Variants in PCDH15 observed in about 807,000 individuals in gnomAD.
PCDH15 encodes the protein protocadherin-15.
In PCDH15, 129 loss-of-function variants were observed where a neutral mutation model predicts 178.5. The observed-to-expected ratio is 0.72, with a 90% CI of 0.63 to 0.84. PCDH15 has a LOEUF of 0.84. Ranked by LOEUF, PCDH15 falls within the 40% of genes least tolerant of loss-of-function variation. The pLI, the probability that PCDH15 is intolerant of heterozygous loss-of-function variation, is 0.00. For synonymous variants in PCDH15, 800 were observed against 732.0 expected (o/e 1.09, Z -1.50); for missense variants, 2,230 against 2,099.9 (o/e 1.06, Z -1.21).
chr10:55,572,720 A>T (rs1842429247), intron 2 of PCDH15, among the ~76,000 whole-genome samples: 1 of 152,020 alleles, frequency 6.6e-6, no homozygotes. Context: ...GCTATGAGAA[A>T]ACAGGTCTCT....
intron 3 of PCDH15, among the ~76,000 whole-genome samples, chr10:54,819,274 A>G (rs555420921): frequency 6.6e-6 from 1 of 152,190 alleles, no homozygotes; most frequent in Non-Finnish European, 1.5e-5. Flanking sequence ...TATTATATGC[A>G]AATAATATTT....
At chr10:54,644,464 C>A (rs183620385) in intron 2 of PCDH15, among the ~76,000 whole-genome samples, 39 of 151,946 alleles carry the variant, frequency 2.6e-4, no homozygotes, top group Admixed American at 3.9e-4. Flanking sequence ...TGTCATATTA[C>A]AATATATTCA....
intron 1 of PCDH15, among the ~76,000 whole-genome samples, chr10:55,196,926 A>C (rs1840109238): frequency 6.6e-6 from 1 of 152,018 alleles, no homozygotes; most frequent in Non-Finnish European, 1.5e-5. Flanking sequence ...TATATTGGAG[A>C]AAGAATTTTT....
intron 2 of PCDH15, among the ~76,000 whole-genome samples, chr10:55,492,288 C>T (rs1840436023): frequency 6.6e-6 from 1 of 151,666 alleles, no homozygotes; most frequent in African/African-American, 2.4e-5. Flanking sequence ...CCTCAAATCA[C>T]TCTCACATTC....
chr10:55,531,202 T>G (rs1841447102), intron 2 of PCDH15, among the ~76,000 whole-genome samples: 1 of 151,984 alleles, frequency 6.6e-6, no homozygotes. Context: ...AAGTTCACTT[T>G]CAATAGGTTA....
intron 12 of PCDH15, among the ~76,000 whole-genome samples, chr10:54,184,804 A>G (rs1280317511): frequency 6.6e-6 from 1 of 152,146 alleles, no homozygotes; most frequent in Non-Finnish European, 1.5e-5. Context: ...TGCAAGAACA[A>G]CAACAAAAAA....
At chr10:54,781,499 T>C (rs1195154658) in intron 1 of PCDH15, among the ~76,000 whole-genome samples, 1 of 152,112 alleles carries the variant, frequency 6.6e-6, no homozygotes, top group East Asian at 1.9e-4. Flanking sequence ...TCATACACAG[T>C]TTATCTTCTC....
intron 2 of PCDH15, among the ~76,000 whole-genome samples, chr10:55,622,739 T>C (rs1486792348): frequency 2.0e-5 from 3 of 152,182 alleles, no homozygotes; most frequent in Non-Finnish European, 4.4e-5. Flanking sequence ...AAACTTTTAG[T>C]TGGCATAGCA....
At chr10:54,334,814 ATT>A (rs1384141538) in intron 6 of PCDH15, among the ~76,000 whole-genome samples, 1 of 151,682 alleles carries the variant, frequency 6.6e-6, no homozygotes, top group Non-Finnish European at 1.5e-5. Flanking sequence ...GATAATTACG[ATT>A]TTCTCTTTAT....
chr10:55,123,141 C>T (rs1050752138), intron 2 of PCDH15, among the ~76,000 whole-genome samples: 7 of 151,648 alleles, frequency 4.6e-5, no homozygotes, highest in African/African-American at 2.4e-5. Context: ...AAATATGAAA[C>T]CATCCTACAT....
intron 14 of PCDH15, among the ~76,000 whole-genome samples, chr10:54,134,517 G>T (rs1488245826): frequency 6.6e-6 from 1 of 151,854 alleles, no homozygotes; most frequent in Non-Finnish European, 1.5e-5. Flanking sequence ...ACTTTGGGAG[G>T]CCGAGGCAGG....
intron 3 of PCDH15, among the ~76,000 whole-genome samples, chr10:54,418,712 AAATAAT>A (rs1172779508): frequency 6.6e-6 from 1 of 151,946 alleles, no homozygotes; most frequent in Non-Finnish European, 1.5e-5. Context: ...ACTATTATTA[AAATAAT>A]AATAATTTGG....
chr10:54,227,067 G>T (rs2053538210), intron 9 of PCDH15, among the ~76,000 whole-genome samples: 1 of 152,080 alleles, frequency 6.6e-6, no homozygotes, highest in Non-Finnish European at 1.5e-5. Flanking sequence ...GTAAGCTGTT[G>T]GTGGATCTAC....
intron 2 of PCDH15, among the ~76,000 whole-genome samples, chr10:55,454,323 G>T (rs973502968): frequency 6.6e-6 from 1 of 151,874 alleles, no homozygotes; most frequent in Non-Finnish European, 1.5e-5. Flanking sequence ...TGCTGGATCA[G>T]CCCTTAAATA....
intron 2 of PCDH15, among the ~76,000 whole-genome samples, chr10:55,532,311 C>G (rs1405875909): frequency 1.3e-5 from 2 of 151,946 alleles, no homozygotes; most frequent in African/African-American, 4.8e-5. Flanking sequence ...AAACCTTTTT[C>G]CTCTAAACAT....
At position 53,860,687 on chromosome 10, in the gene PCDH15, C is replaced by T. The variant is rs562254450; in HGVS notation, c.3718-3424G>A. On this transcript the variant is annotated intron_variant, in intron 27 of 37. Transcript: ENST00000644397. The stretch of plus-strand genomic sequence containing the variant: ...CAGAGGTTGCAGAGAGTCAATATCA[C>T]GCCACTGCACTCCAGTCTGGGCGAG... 2.1e-4 allele frequency among the ~76,000 whole-genome samples: 30 copies of T among 141,186 alleles called. No individual in the cohort carries two copies. The South Asian group carries it at 2.4e-3, about 12-fold the overall frequency. 92.6% of individuals were successfully genotyped at this position (141,186 alleles called of 152,430 possible).
chr10:55,310,711 C>T (rs1843564871), intron 1 of PCDH15, among the ~76,000 whole-genome samples: 2 of 152,132 alleles, frequency 1.3e-5, no homozygotes, highest in South Asian at 4.1e-4. Flanking sequence ...ATGAGTTCAT[C>T]ATATCCTTTT....
intron 1 of PCDH15, among the ~76,000 whole-genome samples, chr10:54,680,748 A>G (rs989343293): frequency 6.6e-6 from 1 of 152,104 alleles, no homozygotes; most frequent in African/African-American, 2.4e-5. Context: ...GTAAGACATC[A>G]CTTTGCTGCT....
chr10:55,314,199 G>GTATA (rs34097929), intron 1 of PCDH15, among the ~76,000 whole-genome samples: 4,385 of 142,780 alleles, frequency 0.031, 98 homozygotes, highest in African/African-American at 0.065. Context: ...ATGTTTGTGT[G>GTATA]TATATATATA....
Sources: allele counts gnomAD v4.1 joint callset (sites outside exome capture counted in the v4.1 genomes callset), GRCh38; gene constraint gnomAD v4.1.1; transcripts MANE v1.5; gene names NCBI Gene and HGNC (gene_info 2026-07-23, HGNC 2026-07-21).